The following ASB5 variants were observed in gnomAD, a reference collection of about 807,000 sequenced individuals.
ASB5 encodes the protein ankyrin repeat and SOCS box protein 5.
A neutral mutation model predicts 42.1 loss-of-function variants in ASB5; 45 were observed. That is an observed-to-expected ratio of 1.07 (90% CI 0.84 to 1.37). The LOEUF (loss-of-function observed/expected upper bound fraction) is 1.37. Ranked by LOEUF, ASB5 falls within the 40% of genes most tolerant of loss-of-function variation. The pLI, the probability that ASB5 is intolerant of heterozygous loss-of-function variation, is 0.00. For missense variants in ASB5, 402 were observed against 399.8 expected (o/e 1.01, Z -0.05); for synonymous variants, 147 against 150.6 (o/e 0.98, Z 0.18).
intron 2 of ASB5, among the ~76,000 whole-genome samples, chr4:176,223,477 A>T (rs1386740448): frequency 2.0e-5 from 3 of 152,230 alleles, no homozygotes; most frequent in African/African-American, 7.2e-5. Context: ...AAATACTATT[A>T]GGATGTGAGA....
At chr4:176,223,483 T>G (rs943767848) in intron 2 of ASB5, among the ~76,000 whole-genome samples, 1 of 152,190 alleles carries the variant, frequency 6.6e-6, no homozygotes, top group Admixed American at 6.5e-5. Context: ...TATTAGGATG[T>G]GAGATTGTTT....
chr4:176,229,676 G>A (rs1753473605), intron 1 of ASB5, among the ~76,000 whole-genome samples: 1 of 150,106 alleles, frequency 6.7e-6, no homozygotes, highest in Non-Finnish European at 1.5e-5. Flanking sequence ...ATGGGGACAG[G>A]AAAAAAAAAA....
rs1422217713 is a variant in ASB5, at chr4:176,214,128, G to A, written c.*1472C>T. 6.6e-6 allele frequency: 1 copy of A among 152,004 alleles called. No individual in the cohort carries two copies. The highest frequency in any genetic ancestry group is 1.5e-5 in the Non-Finnish European group (1 of 67,948). The allele number at this position is 152,004 out of a possible 1,614,324, so 9.4% of individuals were successfully genotyped here. On this transcript the variant is annotated 3_prime_UTR_variant, in exon 7 of 7. Transcript: ENST00000296525. ...TCTATGTTTGAAAATCTCAACAAAC[G>A]TTTTAAATCACAACTGATTTTTTTT... is the stretch of plus-strand genomic sequence containing the variant.
At chr4:176,236,136 T>C (rs576463758) in intron 1 of ASB5, among the ~76,000 whole-genome samples, 1 of 152,240 alleles carries the variant, frequency 6.6e-6, no homozygotes, top group African/African-American at 2.4e-5. Context: ...TGAAGATATG[T>C]GAGACTCATC....
At chr4:176,259,297 T>C (rs1754213754) in intron 1 of ASB5, among the ~76,000 whole-genome samples, 2 of 152,200 alleles carry the variant, frequency 1.3e-5, no homozygotes, top group Admixed American at 1.3e-4. Context: ...GACACAAAAC[T>C]TCCAAATTCA....
chr4:176,229,083 C>T (rs2126952823), intron 1 of ASB5, among the ~76,000 whole-genome samples: 1 of 152,244 alleles, frequency 6.6e-6, no homozygotes, highest in South Asian at 2.1e-4. Flanking sequence ...TAATCAATGC[C>T]TAAATGTGTT....
chr4:176,215,828 G>GTTT, intron 6 of ASB5, 101 bp from the exon 7 acceptor site: 4 of 1,186,622 alleles, frequency 3.4e-6, no homozygotes, highest in Non-Finnish European at 4.7e-6. Flanking sequence ...ATGCTTTGTA[G>GTTT]TAAACCTAGG....
rs1013498637 is a variant in ASB5, at chr4:176,241,632, A to C, written c.197-16291T>G. ...TCCATTTTATTTTTTATTCTACTTT[A>C]CTTAAACATGAGTACCTAAATCTGT... On this transcript the variant is annotated intron_variant, in intron 1 of 6. Coordinates refer to ENST00000296525, the MANE Select transcript of ASB5 (RefSeq NM_080874.4). 1.7e-5 allele frequency: 24 copies of C among 1,390,446 alleles called. No individual in the cohort carries two copies. In the East Asian group the frequency reaches 1.8e-4, roughly 11 times the overall value. 86.1% of individuals were successfully genotyped at this position (1,390,446 alleles called of 1,614,324 possible).
intron 1 of ASB5, among the ~76,000 whole-genome samples, chr4:176,258,715 T>C (rs1379521902): frequency 6.6e-6 from 1 of 152,232 alleles, no homozygotes; most frequent in Non-Finnish European, 1.5e-5. Context: ...TTCCTTATAA[T>C]GCTATAGAAC....
intron 1 of ASB5, chr4:176,237,314 C>T: frequency 1.0e-6 from 1 of 985,892 alleles, no homozygotes; most frequent in Non-Finnish European, 1.2e-6. Flanking sequence ...CAGAATACCC[C>T]AGCTAGCTTT....
intron 2 of ASB5, 118 bp from the exon 3 acceptor site, chr4:176,222,538 T>A: frequency 1.1e-6 from 1 of 945,704 alleles, no homozygotes; most frequent in South Asian, 1.5e-5. Context: ...GGCAAACGAG[T>A]TTCCAGTTTA....
At chr4:176,222,771 G>T (rs1218767888) in intron 2 of ASB5, among the ~76,000 whole-genome samples, 1 of 152,006 alleles carries the variant, frequency 6.6e-6, no homozygotes, top group Non-Finnish European at 1.5e-5. Flanking sequence ...CTAAAGACTT[G>T]TTGTTTTGTT....
At chr4:176,215,807 T>C (rs1441008445) in intron 6 of ASB5, 80 bp from the exon 7 acceptor site, 2 of 1,374,184 alleles carry the variant, frequency 1.5e-6, no homozygotes, top group East Asian at 2.5e-5. Flanking sequence ...CATAAAACCA[T>C]AAAAACTACA....
chr4:176,218,657 GTA>G (rs1561250403), intron 5 of ASB5, among the ~76,000 whole-genome samples: 1 of 73,798 alleles, frequency 1.4e-5, no homozygotes, highest in African/African-American at 5.2e-5. Flanking sequence ...ATATATATTT[GTA>G]TGATATATAA....
In ASB5 at chr4:176,225,622, G is replaced by A. The variant is rs535363695; in HGVS notation, c.197-281C>T. Among the ~76,000 whole-genome samples, 62 of 152,064 alleles carry A rather than the reference G, an allele frequency of 4.1e-4. 1 individual carries two copies. The highest frequency in any genetic ancestry group is 6.5e-4 in the Admixed American group (10 of 15,274). ...TATTTTATTTAATAGATGGAGTCTC[G>A]CCCTGTTGCCCAGGCTGGAGTGCAG... On this transcript the variant is annotated intron_variant, in intron 1 of 6. Transcript: ENST00000296525.
chr4:176,258,168 G>A (rs115708308), intron 1 of ASB5, among the ~76,000 whole-genome samples: 512 of 152,112 alleles, frequency 3.4e-3, no homozygotes, highest in Non-Finnish European at 5.2e-3. Context: ...TTGACTTTAC[G>A]CCAGACACTG....
chr4:176,219,308 TA>T (rs1228539287), intron 5 of ASB5, among the ~76,000 whole-genome samples: 1 of 104,314 alleles, frequency 9.6e-6, no homozygotes, highest in Non-Finnish European at 1.8e-5. Context: ...GTATGATATA[TA>T]AATATATATA....
At chr4:176,233,156 C>T (rs1302701311) in intron 1 of ASB5, among the ~76,000 whole-genome samples, 3 of 152,160 alleles carry the variant, frequency 2.0e-5, no homozygotes. Context: ...TCATTTTAAA[C>T]AATTACTTTC....
chr4:176,274,007 C>T (rs571728628), upstream of ASB5, among the ~76,000 whole-genome samples: 53 of 152,084 alleles, frequency 3.5e-4, no homozygotes, highest in Non-Finnish European at 7.4e-4. Flanking sequence ...GGTTACTTGA[C>T]CAAAACTAGC....
Sources: gnomAD v4.1 joint callset for allele counts (sites outside exome capture counted in the v4.1 genomes callset) on GRCh38, gnomAD v4.1.1 for gene constraint, MANE v1.5 for transcripts, NCBI Gene and HGNC (gene_info 2026-07-23, HGNC 2026-07-21) for gene names.